GABRG1: variants seen among roughly 807,000 people sequenced by gnomAD.
GABRG1 encodes the protein gamma-aminobutyric acid type A receptor subunit gamma1.
GABRG1 carries 49 observed loss-of-function variants against 49.8 expected under a neutral mutation model. The observed-to-expected ratio is 0.98, with a 90% CI of 0.78 to 1.25. GABRG1 has a LOEUF of 1.25. GABRG1 is among the 50% of genes most tolerant of loss of function. The pLI is 0.00. For missense variants in GABRG1, 552 were observed against 552.3 expected (o/e 1.00, Z 0.01); for synonymous variants, 232 against 185.1 (o/e 1.25, Z -2.06).
At chr4:46,098,650 G>A (rs1239592549) in intron 1 of GABRG1, among the ~76,000 whole-genome samples, 1 of 151,730 alleles carries the variant, frequency 6.6e-6, no homozygotes, top group African/African-American at 2.4e-5. Flanking sequence ...TTTATTTTAT[G>A]TTGGACTACC....
intron 1 of GABRG1, among the ~76,000 whole-genome samples, chr4:46,103,540 G>C (rs1385927835): frequency 6.6e-6 from 1 of 151,326 alleles, no homozygotes. Flanking sequence ...TTTTTTAAAA[G>C]TGGGGCTAAC....
Position 46,038,781 on chromosome 4 carries a change from C to CAA in GABRG1, c.*2205_*2206dup, listed in dbSNP as rs1277650799. The stretch of plus-strand genomic sequence containing the variant: ...ATCAAAATACCACTTGCTTTGAAAA[C>CAA]AAAGTGCTTGCTTGATGGTATATAC... On this transcript the variant is annotated 3_prime_UTR_variant, in exon 9 of 9. Coordinates refer to ENST00000295452, the MANE Select transcript of GABRG1 (RefSeq NM_173536.4). The CAA allele has an allele frequency of 2.0e-5, 3 of 151,624 alleles. No homozygotes were observed. Among genetic ancestry groups the CAA allele is most frequent in the African/African-American group, 7.2e-5 (3 of 41,396 alleles). The allele number at this position is 151,624 out of a possible 1,614,324, so 9.4% of individuals were successfully genotyped here.
chr4:46,114,193 A>G (rs1720810052), intron 1 of GABRG1, among the ~76,000 whole-genome samples: 1 of 151,170 alleles, frequency 6.6e-6, no homozygotes, highest in South Asian at 2.1e-4. Flanking sequence ...GTGATAAATA[A>G]CAGCATTATA....
chr4:46,109,606 C>T (rs1474382174), intron 1 of GABRG1, among the ~76,000 whole-genome samples: 1 of 150,922 alleles, frequency 6.6e-6, no homozygotes, highest in African/African-American at 2.4e-5. Flanking sequence ...TGCGATGTTA[C>T]ATAATTAAAT....
At chr4:46,051,669 A>G in intron 7 of GABRG1, 31 bp from the exon 8 acceptor site, 1 of 1,336,878 alleles carries the variant, frequency 7.5e-7, no homozygotes, top group Non-Finnish European at 1.1e-6. Flanking sequence ...ACAGGAAATG[A>G]AAATTAATAG....
At chr4:46,048,020 G>T (rs144520043) in intron 8 of GABRG1, among the ~76,000 whole-genome samples, 53 of 152,026 alleles carry the variant, frequency 3.5e-4, no homozygotes, top group African/African-American at 1.2e-3. Context: ...GCTATAGCAG[G>T]CCCCTGAAGT....
rs1717671648 is a variant in GABRG1, at chr4:46,039,468, A to T, written c.*1520T>A. On this transcript the variant is annotated 3_prime_UTR_variant, in exon 9 of 9. Transcript: ENST00000295452. ...ACGCAGCGGAATTATAACATTAAAA[A>T]CTAGAGTAACAATTGCAGAGGTGAC... 1 of 151,704 alleles carries T rather than the reference A, an allele frequency of 6.6e-6. No homozygotes were observed. 9.4% of individuals were successfully genotyped at this position (151,704 alleles called of 1,614,324 possible).
intron 8 of GABRG1, among the ~76,000 whole-genome samples, chr4:46,050,807 G>T (rs746406619): frequency 4.6e-5 from 7 of 151,754 alleles, no homozygotes; most frequent in Non-Finnish European, 1.0e-4. Context: ...GCTCTGCAGA[G>T]TGTCTGGAAC....
At chr4:46,102,551 A>G (rs1228804101) in intron 1 of GABRG1, among the ~76,000 whole-genome samples, 5 of 151,578 alleles carry the variant, frequency 3.3e-5, no homozygotes, top group Admixed American at 2.0e-4. Flanking sequence ...TTTCCCAAGC[A>G]TTTCTCTCTT....
intron 1 of GABRG1, among the ~76,000 whole-genome samples, chr4:46,120,843 T>C (rs1478678373): frequency 6.6e-6 from 1 of 151,840 alleles, no homozygotes; most frequent in Non-Finnish European, 1.5e-5. Flanking sequence ...TTTCAATGTA[T>C]AACTCTTAGT....
At chr4:46,067,658 T>G (rs1037900215) in intron 3 of GABRG1, among the ~76,000 whole-genome samples, 5 of 152,128 alleles carry the variant, frequency 3.3e-5, no homozygotes, top group Admixed American at 1.3e-4. Context: ...CAAACTGTGC[T>G]GTGGAATATG....
chr4:46,048,370 AGAAGGAAGGAAGGAAGGAAGGAAG>A (rs143416418), intron 8 of GABRG1, among the ~76,000 whole-genome samples: 5 of 121,330 alleles, frequency 4.1e-5, no homozygotes, highest in African/African-American at 9.2e-5. Flanking sequence ...AATGGAATAG[AGAAGGAAGGAAGGAAGGAAGGAAG>A]GAAGGAAGGA....
At chr4:46,119,906 T>C (rs978877575) in intron 1 of GABRG1, among the ~76,000 whole-genome samples, 1 of 151,730 alleles carries the variant, frequency 6.6e-6, no homozygotes, top group African/African-American at 2.4e-5. Context: ...TTAAAACCAC[T>C]TTAGCGAGGC....
At chr4:46,042,119 T>A (rs1440075992) in intron 8 of GABRG1, among the ~76,000 whole-genome samples, 2 of 151,936 alleles carry the variant, frequency 1.3e-5, no homozygotes, top group Non-Finnish European at 2.9e-5. Flanking sequence ...GATTATTAAA[T>A]GGGATGATGG....
At chr4:46,076,362 CATATATATATATATATATAT>C (rs1203391424) in intron 3 of GABRG1, among the ~76,000 whole-genome samples, 6 of 78,728 alleles carry the variant, frequency 7.6e-5, no homozygotes, top group Admixed American at 1.6e-4. Flanking sequence ...AGGTCATGTT[CATATATATATATATATATAT>C]ATATATATAT....
chr4:46,093,246 G>A (rs958861423), intron 2 of GABRG1, among the ~76,000 whole-genome samples: 1 of 151,876 alleles, frequency 6.6e-6, no homozygotes, highest in African/African-American at 2.4e-5. Context: ...TTTGGTATAT[G>A]TATACAATTG....
chr4:46,076,777 T>G (rs987825902), intron 3 of GABRG1, among the ~76,000 whole-genome samples: 2 of 151,806 alleles, frequency 1.3e-5, no homozygotes, highest in East Asian at 3.9e-4. Flanking sequence ...CAAGACTGTT[T>G]GCCTTGAGGT....
At chr4:46,098,562 G>A (rs751498341) in intron 1 of GABRG1, among the ~76,000 whole-genome samples, 3 of 151,568 alleles carry the variant, frequency 2.0e-5, no homozygotes, top group Admixed American at 6.6e-5. Context: ...CCTTTTATCC[G>A]TAAACTCTCA....
At chr4:46,053,520 T>C (rs1460717968) in intron 7 of GABRG1, among the ~76,000 whole-genome samples, 1 of 151,992 alleles carries the variant, frequency 6.6e-6, no homozygotes. Context: ...AAGGCTTTGT[T>C]ATGGTAAAGG....
Sources: allele counts gnomAD v4.1 joint callset (sites outside exome capture counted in the v4.1 genomes callset), GRCh38; gene constraint gnomAD v4.1.1; transcripts MANE v1.5; gene names NCBI Gene and HGNC (gene_info 2026-07-23, HGNC 2026-07-21).